FIGNL2: variants seen among roughly 807,000 people sequenced by gnomAD.
The protein encoded by FIGNL2 is fidgetin-like protein 2.
For synonymous variants in FIGNL2, 565 were observed against 484.0 expected (o/e 1.17, Z -2.20); for missense variants, 1,060 against 950.2 (o/e 1.12, Z -1.52).
At chr12:51,833,014 A>G (rs1281174873) in intron 1 of FIGNL2, among the ~76,000 whole-genome samples, 2 of 152,250 alleles carry the variant, frequency 1.3e-5, no homozygotes, top group South Asian at 2.1e-4. Context: ...CAGGGATGCT[A>G]TCACCTGGAC....
Position 51,831,146 on chromosome 12 carries a change from A to G in FIGNL2, c.-11-8722T>C, listed in dbSNP as rs546390303. 1.4e-3 allele frequency among the ~76,000 whole-genome samples: 220 copies of G among 152,320 alleles called. 4 individuals are homozygous for G. The highest frequency in any genetic ancestry group is 0.014 in the Admixed American group (220 of 15,296). ...AGACAACTGTTGATTTTTTGTGCAA[A>G]TGAAGAATTACAGGAATAAATACAG... is the stretch of plus-strand genomic sequence containing the variant. On this transcript the variant is annotated intron_variant, in intron 1 of 1. Transcript: ENST00000618634.
chr12:51,844,971 C>A, intron 1 of FIGNL2: 2 of 682,412 alleles, frequency 2.9e-6, no homozygotes, highest in Non-Finnish European at 3.6e-6. Flanking sequence ...GTCCTCAGCA[C>A]ATCAGAGAGG....
intron 1 of FIGNL2, among the ~76,000 whole-genome samples, chr12:51,832,811 T>C (rs1296780060): frequency 1.3e-5 from 2 of 152,198 alleles, no homozygotes; most frequent in African/African-American, 4.8e-5. Context: ...TTAATTGGCA[T>C]AATTAACATG....
intron 1 of FIGNL2, among the ~76,000 whole-genome samples, chr12:51,846,429 G>C (rs1348544585): frequency 1.3e-5 from 2 of 152,214 alleles, no homozygotes; most frequent in Non-Finnish European, 2.9e-5. Flanking sequence ...AAATTGCGTG[G>C]AGAGAGCCCT....
At position 51,821,951 on chromosome 12, in the gene FIGNL2, C is replaced by T; in HGVS notation, c.463G>A (p.Ala155Thr). 1.3e-6 allele frequency: 2 copies of T among 1,528,192 alleles called. No individual in the cohort carries two copies. The highest frequency in any genetic ancestry group is 1.8e-6 in the Non-Finnish European group (2 of 1,137,690). The allele number at this position is 1,528,192 out of a possible 1,614,324, so 94.7% of individuals were successfully genotyped here. A position where few individuals can be genotyped will look rare whatever the true frequency, so the allele number is the denominator to read the frequency against. The change falls in exon 2 of 2, where the codon GCG (alanine) becomes ACG (threonine). Residue 155 changes from alanine (A) to threonine (T), a missense_variant. Transcript: ENST00000618634. ...CCGTAGCCGGCCGCGTACTCGGGCG[C>T]CGCCGATGGGCCCCCGCACGCATTG... Reference protein sequence around the residue: ...AGNACGGPSAAPEYAAGYGGG... With the variant: ...AGNACGGPSATPEYAAGYGGG...
chr12:51,832,088 C>G (rs868525434), intron 1 of FIGNL2, among the ~76,000 whole-genome samples: 15 of 152,160 alleles, frequency 9.9e-5, no homozygotes, highest in Non-Finnish European at 1.8e-4. Context: ...ACGATCTTGC[C>G]TCGCTGCAAC....
At chr12:51,833,611 C>T (rs1267422022) in intron 1 of FIGNL2, among the ~76,000 whole-genome samples, 5 of 152,122 alleles carry the variant, frequency 3.3e-5, no homozygotes, top group African/African-American at 9.7e-5. Flanking sequence ...CTCACAGCTC[C>T]TCCCGCCACG....
intron 1 of FIGNL2, among the ~76,000 whole-genome samples, chr12:51,825,538 G>A (rs1243653519): frequency 1.3e-5 from 2 of 151,882 alleles, no homozygotes; most frequent in Non-Finnish European, 2.9e-5. Context: ...CATCCTGCCA[G>A]CTTCATACCC....
intron 1 of FIGNL2, among the ~76,000 whole-genome samples, chr12:51,824,812 G>A (rs1401856315): frequency 1.3e-5 from 2 of 152,230 alleles, no homozygotes; most frequent in African/African-American, 4.8e-5. Context: ...AGGAGGCCGA[G>A]GCTGGTGGAT....
Position 51,820,947 on chromosome 12 carries a change from G to T in FIGNL2, c.1467C>A (p.Leu489=). Residue 489 remains leucine, a synonymous_variant, in exon 2 of 2, where the codon CTC becomes CTA. Transcript: ENST00000618634. ...GGAGCAGCGCCTCTAGCTCGCTGAT[G>T]AGGAGTACGGAGGGTGGGCGGCAGC... ...AARCRPPSVL[L]ISELEALLPA... 3.2e-6 allele frequency: 4 copies of T among 1,267,804 alleles called. No individual in the cohort carries two copies. Among genetic ancestry groups the T allele is most frequent in the African/African-American group, 3.1e-5 (2 of 63,776 alleles). 78.5% of individuals were successfully genotyped at this position (1,267,804 alleles called of 1,614,324 possible).
At chr12:51,823,689 C>A (rs757785603) in intron 1 of FIGNL2, 4 of 152,118 alleles carry the variant, frequency 2.6e-5, no homozygotes, top group Non-Finnish European at 5.9e-5. Flanking sequence ...CAGTCGATGC[C>A]GATGATGATT....
Position 51,820,794 on chromosome 12 carries a change from A to G in FIGNL2, c.1620T>C (p.Ala540=). Residue 540 remains alanine (A), a synonymous_variant, in exon 2 of 2, where the codon GCT becomes GCC. Coordinates refer to ENST00000618634, the MANE Select transcript of FIGNL2 (RefSeq NM_001384995.1). ...LVVGTTSRPA[A]LDEATRRRFS... ...AGCGCCGGCGGGTCGCCTCGTCCAG[A>G]GCCGCGGGCCGCGAGGTGGTGCCCA... The G allele has an allele frequency of 6.8e-6, 10 of 1,475,508 alleles. No individual in the cohort carries two copies. The highest frequency in any genetic ancestry group is 8.9e-6 in the Non-Finnish European group (10 of 1,121,530). The allele number at this position is 1,475,508 out of a possible 1,614,324, so 91.4% of individuals were successfully genotyped here.
At chr12:51,835,438 A>G (rs1939564571) in intron 1 of FIGNL2, 1 of 152,278 alleles carries the variant, frequency 6.6e-6, no homozygotes, top group African/African-American at 2.4e-5. Flanking sequence ...TGTGGCGGGA[A>G]GAGTCCTGCC....
intron 1 of FIGNL2, among the ~76,000 whole-genome samples, chr12:51,826,687 G>A (rs1939353374): frequency 6.6e-6 from 1 of 151,308 alleles, no homozygotes; most frequent in Non-Finnish European, 1.5e-5. Flanking sequence ...CAGGGCACCA[G>A]GTCAGCAACT....
chr12:51,839,025 T>G lies in FIGNL2; in HGVS notation c.-12+9515A>C, dbSNP rs12422934. ...TGGGACATCTGTCACCAGCCTCTCC[T>G]CTGCTAATAGAGGGAGGAGCACCAG... On this transcript the variant is annotated intron_variant, in intron 1 of 1. Transcript: ENST00000618634. 5.4e-3 allele frequency among the ~76,000 whole-genome samples: 828 copies of G among 152,168 alleles called. 29 individuals are homozygous for G. Among genetic ancestry groups the G allele is most frequent in the Admixed American group, 0.051 (783 of 15,288 alleles).
chr12:51,830,021 G>T (rs1461155247), intron 1 of FIGNL2, among the ~76,000 whole-genome samples: 1 of 152,152 alleles, frequency 6.6e-6, no homozygotes, highest in East Asian at 1.9e-4. Context: ...TGGTGTGGTG[G>T]CTCATGCCTG....
chr12:51,826,516 G>A (rs1939346913), intron 1 of FIGNL2, among the ~76,000 whole-genome samples: 2 of 151,556 alleles, frequency 1.3e-5, no homozygotes, highest in Admixed American at 6.6e-5. Flanking sequence ...GCAGGCACCT[G>A]TAATCCCAGC....
intron 1 of FIGNL2, among the ~76,000 whole-genome samples, chr12:51,840,542 C>A (rs943241492): frequency 6.6e-6 from 1 of 152,196 alleles, no homozygotes; most frequent in Admixed American, 6.5e-5. Flanking sequence ...TCAAGACCAC[C>A]CTGACCAACA....
rs1461668068 is a variant in FIGNL2 at position 51,821,304 on chromosome 12, C to T, written c.1110G>A (p.Val370=). ...AVPSGETPKG[V]DPGALELVTS... ...TCACCAGCTCCAGGGCCCCAGGGTC[C>T]ACGCCTTTGGGAGTCTCCCCCGACG... The change falls in exon 2 of 2, where the codon GTG becomes GTA. Residue 370 remains valine (V), a synonymous_variant. Coordinates refer to ENST00000618634, the MANE Select transcript of FIGNL2 (RefSeq NM_001384995.1). 1 of 1,524,142 alleles carries T rather than the reference C, an allele frequency of 6.6e-7. No individual in the cohort carries two copies. The allele number at this position is 1,524,142 out of a possible 1,614,324, so 94.4% of individuals were successfully genotyped here.
Sources: allele counts gnomAD v4.1 joint callset (sites outside exome capture counted in the v4.1 genomes callset), GRCh38; gene constraint gnomAD v4.1.1; transcripts MANE v1.5; gene names NCBI Gene and HGNC (gene_info 2026-07-23, HGNC 2026-07-21).